The following PITPNM2 variants were observed in gnomAD, a reference collection of about 807,000 sequenced individuals.
PITPNM2 encodes membrane-associated phosphatidylinositol transfer protein 2.
Under a neutral mutation model 132.2 loss-of-function variants are expected in PITPNM2, and 35 were observed. The observed-to-expected ratio is 0.26, with a 90% CI of 0.20 to 0.35. PITPNM2 has a LOEUF of 0.35. Among genes scored for constraint, PITPNM2 ranks in the 10% least tolerant of loss-of-function variants. The probability of loss-of-function intolerance (pLI) is 1.00; values close to 1 mark genes in which losing one functional copy is unlikely to be tolerated. For missense variants in PITPNM2, 1,332 were observed against 1,912.0 expected (o/e 0.70, Z 5.66); for synonymous variants, 738 against 799.2 (o/e 0.92, Z 1.29).
intron 2 of PITPNM2, among the ~76,000 whole-genome samples, chr12:123,075,083 T>TGCCTGCATGGCATGTGCAC (rs1174838063): frequency 6.6e-6 from 1 of 152,204 alleles, no homozygotes; most frequent in African/African-American, 2.4e-5. Context: ...TGCATGTGCA[T>TGCCTGCATGGCATGTGCAC]GCCTGCATGG....
chr12:123,045,937 C>G (rs1157655473), intron 2 of PITPNM2, among the ~76,000 whole-genome samples: 1 of 152,024 alleles, frequency 6.6e-6, no homozygotes, highest in African/African-American at 2.4e-5. Flanking sequence ...GGGTACAGAC[C>G]CAGCCGTCCC....
At chr12:123,015,454 A>C (rs1011833498) in intron 3 of PITPNM2, among the ~76,000 whole-genome samples, 1 of 152,226 alleles carries the variant, frequency 6.6e-6, no homozygotes, top group Non-Finnish European at 1.5e-5. Context: ...TGGAAATAAT[A>C]GTCTTTAAAA....
At chr12:123,092,150 G>A (rs550036689) in intron 2 of PITPNM2, 1 of 152,340 alleles carries the variant, frequency 6.6e-6, no homozygotes, top group Non-Finnish European at 1.5e-5. Flanking sequence ...GGATGCTACA[G>A]ACTGTTTCCT....
At chr12:123,053,768 A>G (rs2040936491) in intron 2 of PITPNM2, among the ~76,000 whole-genome samples, 1 of 152,002 alleles carries the variant, frequency 6.6e-6, no homozygotes. Context: ...GGGTTTCTGC[A>G]TATTGGTCAG....
chr12:123,096,529 G>A (rs2042414884), intron 2 of PITPNM2, among the ~76,000 whole-genome samples: 1 of 152,176 alleles, frequency 6.6e-6, no homozygotes, highest in African/African-American at 2.4e-5. Context: ...GATGGGGAGG[G>A]GGGCGAGGAA....
At chr12:123,003,881 G>A (rs764045935) in intron 8 of PITPNM2, among the ~76,000 whole-genome samples, 1 of 152,220 alleles carries the variant, frequency 6.6e-6, no homozygotes, top group Non-Finnish European at 1.5e-5. Context: ...TGGCACAGGT[G>A]GTGCATCTGC....
intron 10 of PITPNM2, among the ~76,000 whole-genome samples, chr12:122,998,664 G>A (rs942274109): frequency 1.3e-5 from 2 of 152,158 alleles, no homozygotes; most frequent in African/African-American, 2.4e-5. Flanking sequence ...CCAAGAACCC[G>A]AGGAGACAGA....
At chr12:123,151,210 C>T (rs1164296263), upstream of PITPNM2, among the ~76,000 whole-genome samples, 1 of 149,338 alleles carries the variant, frequency 6.7e-6, no homozygotes, top group Non-Finnish European at 1.5e-5. Flanking sequence ...CGGCCCGGCC[C>T]CGCCGCCTCC....
intron 2 of PITPNM2, among the ~76,000 whole-genome samples, chr12:123,067,462 C>A (rs1009247717): frequency 1.5e-5 from 2 of 136,024 alleles, no homozygotes; most frequent in African/African-American, 5.3e-5. Flanking sequence ...ATCACACACA[C>A]ACACACACAC....
intron 23 of PITPNM2, 131 bp from the exon 24 acceptor site, chr12:122,986,960 A>T: frequency 1.7e-6 from 2 of 1,200,114 alleles, no homozygotes; most frequent in African/African-American, 3.1e-5. Flanking sequence ...AACGACGACA[A>T]TGGTTGACAA....
intron 6 of PITPNM2, among the ~76,000 whole-genome samples, chr12:123,006,370 G>C (rs1386461461): frequency 6.6e-6 from 1 of 151,800 alleles, no homozygotes; most frequent in Non-Finnish European, 1.5e-5. Flanking sequence ...TTAAGATGTA[G>C]AATAAAGTAA....
At chr12:122,988,394 G>C (rs140260595) in intron 19 of PITPNM2, 44 bp from the exon 20 acceptor site, 2 of 1,538,330 alleles carry the variant, frequency 1.3e-6, no homozygotes, top group South Asian at 2.2e-5. Flanking sequence ...GATGCCACCC[G>C]GGGGCTTCCT....
intron 5 of PITPNM2, among the ~76,000 whole-genome samples, chr12:123,011,816 T>C (rs1196509542): frequency 1.3e-5 from 2 of 152,168 alleles, no homozygotes; most frequent in African/African-American, 2.4e-5. Flanking sequence ...CCCACCATGC[T>C]GTGATCTCAG....
Position 122,987,531 on chromosome 12 carries a change from G to A in PITPNM2, c.3243C>T (p.Tyr1081=), listed in dbSNP as rs1370936354. Residue 1081 remains tyrosine, a synonymous_variant, in exon 22 of 26, where the codon TAC becomes TAT. Transcript: ENST00000320201. The part of the protein sequence containing the change: ...PESHRLGVGV[Y]PIKMVVRGDH... ...TATACCTGACCACCATCTTGATAGG[G>A]TAGACACCCACGCCCAGGCGGTGCG... The A allele has an allele frequency of 1.2e-6, 2 of 1,613,662 alleles. No individual in the cohort carries two copies. Among genetic ancestry groups the A allele is most frequent in the Non-Finnish European group, 1.7e-6 (2 of 1,179,818 alleles).
intron 2 of PITPNM2, among the ~76,000 whole-genome samples, chr12:123,048,616 G>T (rs2040749449): frequency 6.6e-6 from 1 of 152,040 alleles, no homozygotes; most frequent in African/African-American, 2.4e-5. Flanking sequence ...GTTTCACCTT[G>T]TTAGCCAGGA....
rs1025534194 is a variant in PITPNM2, at chr12:123,078,024, T to G, written c.-96+32361A>C. The stretch of plus-strand genomic sequence containing the variant: ...GGAGCACGCGTGTCCCCAGGATGGG[T>G]GGACGGAGGAGCTGGGAGACTGGGC... On this transcript the variant is annotated intron_variant, in intron 2 of 25. Transcript: ENST00000320201. This position sits in a 1 kb window ranked among gnomAD's most constrained non-coding sequence, Gnocchi z 7.3. Among the ~76,000 whole-genome samples the G allele has an allele frequency of 8.1e-5, 12 of 148,372 alleles. No individual in the cohort carries two copies. Among genetic ancestry groups the G allele is most frequent in the Non-Finnish European group, 1.3e-4 (9 of 67,100 alleles).
rs2043434601 is a variant in PITPNM2, at chr12:123,138,654, G to C, written c.-200+12099C>G. On this transcript the variant is annotated intron_variant, in intron 1 of 25. Transcript: ENST00000320201. ...GGTAAATCAATAGAAACAGAAAGTA[G>C]ATGAGTTGTTGCCAGGGGGCTGGGA... is the stretch of plus-strand genomic sequence containing the variant. Among the ~76,000 whole-genome samples the C allele has an allele frequency of 3.3e-5, 5 of 152,150 alleles. No homozygotes were observed. The South Asian group carries it at 1.0e-3, about 32-fold the overall frequency.
chr12:123,106,306 T>G lies in PITPNM2; in HGVS notation c.-96+4079A>C, dbSNP rs1357199977. Among the ~76,000 whole-genome samples the G allele has an allele frequency of 6.6e-6, 1 of 151,902 alleles. No individual in the cohort carries two copies. The highest frequency in any genetic ancestry group is 1.5e-5 in the Non-Finnish European group (1 of 67,984). On this transcript the variant is annotated intron_variant, in intron 2 of 25. Coordinates refer to ENST00000320201, the MANE Select transcript of PITPNM2 (RefSeq NM_020845.3). The surrounding 1 kb of genome is among the most constrained non-coding windows in gnomAD (Gnocchi z 4.4). ...AGGAGGCTGAGGTGGGAGGACTGCTTAAGCCCAGGAATTCAAGGCTGCAGT... is the reference window on the plus strand; with the variant it reads ...AGGAGGCTGAGGTGGGAGGACTGCTGAAGCCCAGGAATTCAAGGCTGCAGT...
Position 123,117,430 on chromosome 12 carries a change from T to C in PITPNM2, c.-199-6942A>G, listed in dbSNP as rs558759943. Among the ~76,000 whole-genome samples, 3 of 152,192 alleles carry C rather than the reference T, an allele frequency of 2.0e-5. No homozygotes were observed. Among genetic ancestry groups the C allele is most frequent in the South Asian group, 2.1e-4 (1 of 4,828 alleles). Reference sequence around the variant, plus strand: ...TTCCCTGAGTGCAGTGAAGTGATCATTGGCATGGGATTGAGACCAGAGTTC... The same window carrying C: ...TTCCCTGAGTGCAGTGAAGTGATCACTGGCATGGGATTGAGACCAGAGTTC... On this transcript the variant is annotated intron_variant, in intron 1 of 25. Coordinates refer to ENST00000320201, the MANE Select transcript of PITPNM2 (RefSeq NM_020845.3). This position sits in a 1 kb window ranked among gnomAD's most constrained non-coding sequence, Gnocchi z 4.7.
Sources: allele counts gnomAD v4.1 joint callset (sites outside exome capture counted in the v4.1 genomes callset), GRCh38; gene constraint gnomAD v4.1.1; non-coding constraint Gnocchi (gnomAD v3.1); transcripts MANE v1.5; gene names NCBI Gene and HGNC (gene_info 2026-07-23, HGNC 2026-07-21).